Variants in KCNC1 observed in about 807,000 individuals in gnomAD.
The protein encoded by KCNC1 is voltage-gated potassium channel KCNC1.
A neutral mutation model predicts 43.4 loss-of-function variants in KCNC1; 8 were observed. The ratio of observed to expected loss-of-function variants is 0.18; its 90% confidence interval spans 0.11 to 0.33. KCNC1 has a LOEUF of 0.33. KCNC1 is among the 10% of genes least tolerant of loss of function. The pLI is 1.00. For missense variants in KCNC1, 420 were observed against 836.0 expected (o/e 0.50, Z 6.14); for synonymous variants, 361 against 360.5 (o/e 1.00, Z -0.01).
chr11:17,770,109 T>C (rs1404926968), intron 1 of KCNC1, among the ~76,000 whole-genome samples: 3 of 152,236 alleles, frequency 2.0e-5, no homozygotes, highest in Non-Finnish European at 4.4e-5. Context: ...CAAACAAGAC[T>C]GTTCTGGGAC....
chr11:17,741,751 A>G (rs1848845138), intron 1 of KCNC1, among the ~76,000 whole-genome samples: 1 of 152,166 alleles, frequency 6.6e-6, no homozygotes, highest in African/African-American at 2.4e-5. Context: ...TCCATCGCTT[A>G]CCAAACCCCA....
In KCNC1 at chr11:17,779,679, C is replaced by T. The variant is rs368854707; in HGVS notation, c.1693+35C>T. On this transcript the variant is annotated intron_variant, in intron 3 of 3. Coordinates refer to ENST00000265969, the MANE Select transcript of KCNC1 (RefSeq NM_001112741.2). This position sits in a 1 kb window ranked among gnomAD's most constrained non-coding sequence, Gnocchi z 7.2. ...GGAAGCTGGAGCACCGTGCATCGTC[C>T]GGGCCGCCTCGCGCTCCTGCAGATG... 11 of 1,427,626 alleles carry T rather than the reference C, an allele frequency of 7.7e-6. No homozygotes were observed. The highest frequency in any genetic ancestry group is 5.8e-5 in the African/African-American group (4 of 68,544). 88.4% of individuals were successfully genotyped at this position (1,427,626 alleles called of 1,614,324 possible). A position where few individuals can be genotyped will look rare whatever the true frequency, so the allele number is the denominator to read the frequency against.
intron 1 of KCNC1, among the ~76,000 whole-genome samples, chr11:17,753,939 T>G (rs1375907653): frequency 1.3e-5 from 2 of 152,202 alleles, no homozygotes; most frequent in African/African-American, 2.4e-5. Context: ...TTGGACTACA[T>G]CATGAGCGCC....
At chr11:17,755,233 A>G (rs1193076876) in intron 1 of KCNC1, among the ~76,000 whole-genome samples, 1 of 152,166 alleles carries the variant, frequency 6.6e-6, no homozygotes, top group Non-Finnish European at 1.5e-5. Flanking sequence ...AGATGATGGT[A>G]GCAGGGAGGA....
At position 17,734,885 on chromosome 11, in the gene KCNC1, C is replaced by T. The variant is rs1411203092; in HGVS notation, c.-1118C>T. ...GCAGCGGCCGCTCCGCGCCTCGCCT[C>T]ACCGGCCTCGCTGGCCTCACCTCGC... On this transcript the variant is annotated 5_prime_UTR_variant, in exon 1 of 4. Transcript: ENST00000265969. 38 of 150,018 alleles carry T rather than the reference C, an allele frequency of 2.5e-4. 1 individual carries two copies. Among genetic ancestry groups the T allele is most frequent in the Admixed American group, 2.5e-3 (38 of 15,070 alleles). 9.3% of individuals were successfully genotyped at this position (150,018 alleles called of 1,614,324 possible).
intron 1 of KCNC1, among the ~76,000 whole-genome samples, chr11:17,764,356 C>A (rs1271312410): frequency 6.6e-6 from 1 of 150,796 alleles, no homozygotes; most frequent in Non-Finnish European, 1.5e-5. Context: ...TCCCCACACA[C>A]CCCATACATG....
Position 17,747,266 on chromosome 11 carries a change from C to T in KCNC1, c.570+10694C>T, listed in dbSNP as rs545185599. Among the ~76,000 whole-genome samples, 12 of 152,276 alleles carry T rather than the reference C, an allele frequency of 7.9e-5. No homozygotes were observed. The South Asian group carries it at 1.5e-3, about 18-fold the overall frequency. On this transcript the variant is annotated intron_variant, in intron 1 of 3. Transcript: ENST00000265969. ...GGCAGGTCACAACCCCTGTGAGCCT[C>T]GGTCTCCCCATCTGTGGTTATGGGC...
At chr11:17,741,918 CG>C (rs1455941515) in intron 1 of KCNC1, among the ~76,000 whole-genome samples, 2 of 152,210 alleles carry the variant, frequency 1.3e-5, no homozygotes, top group African/African-American at 2.4e-5. Context: ...GATGCCTTCC[CG>C]GGCCCCTAGG....
chr11:17,763,163 G>A (rs987323695), intron 1 of KCNC1, among the ~76,000 whole-genome samples: 4 of 152,002 alleles, frequency 2.6e-5, no homozygotes, highest in South Asian at 2.1e-4. Context: ...CGTCTGCGCC[G>A]GGACGCTGCC....
Position 17,736,666 on chromosome 11 carries a change from G to T in KCNC1, c.570+94G>T. ...GGGTGGACCGGAGAACTGGCGCCTA[G>T]GGAGTTCAGAATCGAAAGGGGGTGT... is the stretch of plus-strand genomic sequence containing the variant. On this transcript the variant is annotated intron_variant, in intron 1 of 3. Coordinates refer to ENST00000265969, the MANE Select transcript of KCNC1 (RefSeq NM_001112741.2). The surrounding 1 kb of genome is among the most constrained non-coding windows in gnomAD (Gnocchi z 9.3). 7.0e-7 allele frequency: 1 copy of T among 1,436,820 alleles called. No individual in the cohort carries two copies. The highest frequency in any genetic ancestry group is 9.1e-7 in the Non-Finnish European group (1 of 1,102,390). 89.0% of individuals were successfully genotyped at this position (1,436,820 alleles called of 1,614,324 possible). A position where few individuals can be genotyped will look rare whatever the true frequency, so the allele number is the denominator to read the frequency against.
rs113608193 is a variant in KCNC1, at chr11:17,777,885, G to A, written c.1505-1571G>A. 3.6e-4 allele frequency: 357 copies of A among 983,966 alleles called. No homozygotes were observed. The highest frequency in any genetic ancestry group is 4.3e-4 in the Non-Finnish European group (352 of 828,110). 61.0% of individuals were successfully genotyped at this position (983,966 alleles called of 1,614,324 possible). On this transcript the variant is annotated intron_variant, in intron 2 of 3. Coordinates refer to ENST00000265969, the MANE Select transcript of KCNC1 (RefSeq NM_001112741.2). This position sits in a 1 kb window ranked among gnomAD's most constrained non-coding sequence, Gnocchi z 4.3. Reference sequence around the variant, plus strand: ...GTACACGGGCGGTAATCCCACCCACGTGCACGCCCAGCGTGTGCACGTGGG... The same window carrying A: ...GTACACGGGCGGTAATCCCACCCACATGCACGCCCAGCGTGTGCACGTGGG...
Position 17,777,256 on chromosome 11 carries a change from C to G in KCNC1, c.1505-2200C>G. On this transcript the variant is annotated intron_variant, in intron 2 of 3. Transcript: ENST00000265969. This position sits in a 1 kb window ranked among gnomAD's most constrained non-coding sequence, Gnocchi z 4.3. The stretch of plus-strand genomic sequence containing the variant: ...GGCAGAGGCAGAGAGAAGGCACCCC[C>G]CTCTGACCCACCCCTCCCCAGGCAA... 3.0e-6 allele frequency: 3 copies of G among 985,808 alleles called. No individual in the cohort carries two copies. The highest frequency in any genetic ancestry group is 9.4e-5 in the South Asian group (2 of 21,272). The allele number at this position is 985,808 out of a possible 1,614,324, so 61.1% of individuals were successfully genotyped here. A position where few individuals can be genotyped will look rare whatever the true frequency, so the allele number is the denominator to read the frequency against.
At chr11:17,741,986 T>A (rs138908746) in intron 1 of KCNC1, among the ~76,000 whole-genome samples, 39 of 152,324 alleles carry the variant, frequency 2.6e-4, no homozygotes, top group Non-Finnish European at 3.2e-4. Flanking sequence ...TGATTTCTAA[T>A]AAAATGTTCA....
chr11:17,773,294 T>A lies in KCNC1; in HGVS notation c.1504+696T>A, dbSNP rs912635185. On this transcript the variant is annotated intron_variant, in intron 2 of 3. Coordinates refer to ENST00000265969, the MANE Select transcript of KCNC1 (RefSeq NM_001112741.2). This position sits in a 1 kb window ranked among gnomAD's most constrained non-coding sequence, Gnocchi z 4.1. ...ACCACTCTAGAGTTTAGCCTTTATC[T>A]TTAGGAACCTGTTGAAGTGACTCTA... 4 of 985,300 alleles carry A rather than the reference T, an allele frequency of 4.1e-6. No homozygotes were observed. In the African/African-American group the frequency reaches 7.0e-5, roughly 17 times the overall value. 61.0% of individuals were successfully genotyped at this position (985,300 alleles called of 1,614,324 possible). A position where few individuals can be genotyped will look rare whatever the true frequency, so the allele number is the denominator to read the frequency against.
At chr11:17,763,405 G>A (rs138625885) in intron 1 of KCNC1, among the ~76,000 whole-genome samples, 2 of 152,078 alleles carry the variant, frequency 1.3e-5, no homozygotes, top group Non-Finnish European at 2.9e-5. Context: ...TCGGCTCAGA[G>A]AACACGTGCC....
chr11:17,735,885 C>G lies in KCNC1; in HGVS notation c.-118C>G, dbSNP rs1246338627. On this transcript the variant is annotated 5_prime_UTR_variant, in exon 1 of 4. Coordinates refer to ENST00000265969, the MANE Select transcript of KCNC1 (RefSeq NM_001112741.2). The surrounding 1 kb of genome is among the most constrained non-coding windows in gnomAD (Gnocchi z 6.7). Reference sequence around the variant, plus strand: ...GCCAGAGCCGCAGGCCTCTGTTCCCCCCGACGGCTGGGGGGAGGGGGGAAG... The same window carrying G: ...GCCAGAGCCGCAGGCCTCTGTTCCCGCCGACGGCTGGGGGGAGGGGGGAAG... 1.6e-6 allele frequency: 2 copies of G among 1,218,304 alleles called. No homozygotes were observed. Among genetic ancestry groups the G allele is most frequent in the Middle Eastern group, 2.9e-4 (1 of 3,452 alleles). The allele number at this position is 1,218,304 out of a possible 1,614,324, so 75.5% of individuals were successfully genotyped here. A position where few individuals can be genotyped will look rare whatever the true frequency, so the allele number is the denominator to read the frequency against.
In KCNC1 at chr11:17,761,026, C is replaced by G. The variant is rs373898510; in HGVS notation, c.571-10639C>G. Among the ~76,000 whole-genome samples, 8 of 152,294 alleles carry G rather than the reference C, an allele frequency of 5.3e-5. No homozygotes were observed. The South Asian group carries it at 8.3e-4, about 16-fold the overall frequency. On this transcript the variant is annotated intron_variant, in intron 1 of 3. Transcript: ENST00000265969. ...TGCGACCTTGGGTGTCCTTTCCCTC[C>G]CGACACCCAAGACAGGCAGGGGTCC...
chr11:17,750,633 C>A (rs1391486541), intron 1 of KCNC1, among the ~76,000 whole-genome samples: 2 of 152,220 alleles, frequency 1.3e-5, no homozygotes, highest in Non-Finnish European at 2.9e-5. Flanking sequence ...ACCTGCCCTG[C>A]TATTCCAGAT....
In KCNC1 at chr11:17,739,080, G is replaced by T. The variant is rs1382472212; in HGVS notation, c.570+2508G>T. On this transcript the variant is annotated intron_variant, in intron 1 of 3. Transcript: ENST00000265969. The surrounding 1 kb of genome is among the most constrained non-coding windows in gnomAD (Gnocchi z 4.2). ...CGCTGCCTCTCTGCGGCTCATCTGC[G>T]CACAGACCAGCCGCCTGCCCGCCCT... Among the ~76,000 whole-genome samples the T allele has an allele frequency of 1.3e-5, 2 of 152,184 alleles. No homozygotes were observed. Among genetic ancestry groups the T allele is most frequent in the Non-Finnish European group, 2.9e-5 (2 of 68,034 alleles).
Sources: gnomAD v4.1 joint callset for allele counts (sites outside exome capture counted in the v4.1 genomes callset) on GRCh38, gnomAD v4.1.1 for gene constraint, Gnocchi (gnomAD v3.1) non-coding constraint, MANE v1.5 for transcripts, NCBI Gene and HGNC (gene_info 2026-07-23, HGNC 2026-07-21) for gene names.